OCA2: variants seen among roughly 807,000 people sequenced by gnomAD.
OCA2 encodes OCA2 melanosomal transmembrane protein, also known as P protein.
Under a neutral mutation model 100.2 loss-of-function variants are expected in OCA2, and 77 were observed. The observed-to-expected ratio is 0.77, with a 90% CI of 0.64 to 0.93. The LOEUF is 0.93. Ranked by LOEUF, OCA2 falls within the 40% of genes least tolerant of loss-of-function variation. OCA2 has a pLI of 0.00. For synonymous variants in OCA2, 432 were observed against 439.2 expected (o/e 0.98, Z 0.21); for missense variants, 1,062 against 1,089.1 (o/e 0.98, Z 0.35).
At chr15:27,913,050 G>T (rs1477867546) in intron 19 of OCA2, among the ~76,000 whole-genome samples, 1 of 152,068 alleles carries the variant, frequency 6.6e-6, no homozygotes, top group Admixed American at 6.6e-5. Context: ...CTTTTCAAAA[G>T]GGTCCAGATA....
chr15:28,004,257 C>G (rs1024121165), intron 9 of OCA2, among the ~76,000 whole-genome samples: 2 of 152,230 alleles, frequency 1.3e-5, no homozygotes, highest in Admixed American at 6.5e-5. Context: ...GCTCCGCCCC[C>G]TCTCAGCCCC....
intron 14 of OCA2, among the ~76,000 whole-genome samples, chr15:27,967,055 G>A (rs2040594103): frequency 6.6e-6 from 1 of 152,178 alleles, no homozygotes; most frequent in South Asian, 2.1e-4. Flanking sequence ...GCGTGAACCC[G>A]AGAGGCGGAA....
intron 18 of OCA2, among the ~76,000 whole-genome samples, chr15:27,930,710 G>A (rs896055193): frequency 6.6e-6 from 1 of 150,908 alleles, no homozygotes; most frequent in African/African-American, 2.4e-5. Flanking sequence ...TGGAGGTGCT[G>A]GGAGGTCAGG....
intron 23 of OCA2, among the ~76,000 whole-genome samples, chr15:27,756,599 T>A (rs570679326): frequency 6.6e-6 from 1 of 151,966 alleles, no homozygotes; most frequent in African/African-American, 2.4e-5. Flanking sequence ...TCAGCCCTGA[T>A]CATTGAGTTC....
rs369228782 is a variant in OCA2, at chr15:28,019,957, T to C, written c.647-1400A>G. Among the ~76,000 whole-genome samples the C allele has an allele frequency of 1.3e-3, 203 of 152,288 alleles. 1 individual carries two copies. The highest frequency in any genetic ancestry group is 5.0e-3 in the South Asian group (24 of 4,826). ...GAACACTGCCCTTTTCCAAGGAGCC[T>C]GCTGGAGGCTCAAATCAACCCCTCA... On this transcript the variant is annotated intron_variant, in intron 6 of 23. Transcript: ENST00000354638.
At chr15:27,741,879 T>C in the OCA2 span, among the ~76,000 whole-genome samples, 6 of 152,242 alleles carry the variant, frequency 3.9e-5, no homozygotes, top group Non-Finnish European at 8.8e-5. Context: ...ATATCAATCA[T>C]TATTGTTACA....
chr15:28,078,922 G>C (rs2044522709), intron 2 of OCA2, among the ~76,000 whole-genome samples: 1 of 152,162 alleles, frequency 6.6e-6, no homozygotes. Context: ...TTTGTGCACA[G>C]GTGATGTAAC....
intron 2 of OCA2, among the ~76,000 whole-genome samples, chr15:28,039,567 A>G (rs1412397971): frequency 4.6e-5 from 7 of 152,244 alleles, no homozygotes; most frequent in Non-Finnish European, 7.3e-5. Context: ...GGAATTAGAA[A>G]ACACCTGTTA....
intron 23 of OCA2, among the ~76,000 whole-genome samples, chr15:27,836,635 T>C (rs373924963): frequency 6.6e-6 from 1 of 152,194 alleles, no homozygotes; most frequent in East Asian, 1.9e-4. Context: ...CATTAGCAAC[T>C]GTTTTGACCT....
intron 19 of OCA2, among the ~76,000 whole-genome samples, chr15:27,918,757 G>T (rs2038759488): frequency 6.6e-6 from 1 of 152,120 alleles, no homozygotes; most frequent in Admixed American, 6.5e-5. Flanking sequence ...ATTGGATACA[G>T]GTCCTAAAGG....
chr15:28,001,873 A>G (rs2041938685), intron 9 of OCA2, among the ~76,000 whole-genome samples: 1 of 152,226 alleles, frequency 6.6e-6, no homozygotes, highest in African/African-American at 2.4e-5. Flanking sequence ...CCACAGAGGC[A>G]CCTGGTTCTC....
intron 11 of OCA2, among the ~76,000 whole-genome samples, chr15:27,989,177 C>T (rs558697397): frequency 3.5e-4 from 54 of 152,290 alleles, no homozygotes; most frequent in African/African-American, 1.2e-3. Context: ...TTCCTCACAG[C>T]AGAGTGGCCA....
rs560920245 is a variant in OCA2, at chr15:28,077,238, TA to T, written c.227+4409del. ...CCAGGCCCGGATAATTTTGTATTTTTAGTAGAGACGGGGTTTCTCCATGTTG... is the reference window on the plus strand; with the variant it reads ...CCAGGCCCGGATAATTTTGTATTTTTGTAGAGACGGGGTTTCTCCATGTTG... On this transcript the variant is annotated intron_variant, in intron 2 of 23. Transcript: ENST00000354638. Among the ~76,000 whole-genome samples, 7 of 152,222 alleles carry T rather than the reference TA, an allele frequency of 4.6e-5. No individual in the cohort carries two copies. The South Asian group carries it at 1.5e-3, about 32-fold the overall frequency.
chr15:27,892,290 A>G (rs973694922), intron 19 of OCA2, among the ~76,000 whole-genome samples: 3 of 152,166 alleles, frequency 2.0e-5, no homozygotes, highest in African/African-American at 7.2e-5. Context: ...TGAAAGATTT[A>G]CCAAGATGTA....
At chr15:27,936,750 G>A (rs1439809339) in intron 18 of OCA2, among the ~76,000 whole-genome samples, 1 of 152,096 alleles carries the variant, frequency 6.6e-6, no homozygotes, top group Non-Finnish European at 1.5e-5. Context: ...CCCAGAAAGT[G>A]GCTGTGACTG....
intron 2 of OCA2, among the ~76,000 whole-genome samples, chr15:28,079,218 GT>G (rs2141872490): frequency 6.6e-6 from 1 of 152,072 alleles, no homozygotes; most frequent in African/African-American, 2.4e-5. Context: ...AGGCTAAGGG[GT>G]TTGCTGGTTT....
At chr15:28,077,520 T>C (rs1223596960) in intron 2 of OCA2, among the ~76,000 whole-genome samples, 2 of 152,196 alleles carry the variant, frequency 1.3e-5, no homozygotes, top group Non-Finnish European at 2.9e-5. Flanking sequence ...GAAACAGCCC[T>C]GAGGAATGTC....
At chr15:27,793,133 C>T (rs769423048) in intron 23 of OCA2, among the ~76,000 whole-genome samples, 18 of 152,168 alleles carry the variant, frequency 1.2e-4, no homozygotes, top group Non-Finnish European at 2.5e-4. Flanking sequence ...ATTGAGTGAC[C>T]AATGCAGCCA....
At chr15:27,800,391 G>A (rs12441132) in intron 23 of OCA2, among the ~76,000 whole-genome samples, 51,925 of 151,516 alleles carry the variant, frequency 0.34, 10,087 homozygotes, top group South Asian at 0.57. Context: ...GAATGAAATC[G>A]AAGGCATTTG....
Sources: allele counts gnomAD v4.1 joint callset (sites outside exome capture counted in the v4.1 genomes callset), GRCh38; gene constraint gnomAD v4.1.1; transcripts MANE v1.5; gene names NCBI Gene and HGNC (gene_info 2026-07-23, HGNC 2026-07-21).